Variants in GPC5 observed in about 807,000 individuals in gnomAD.
GPC5 encodes the protein glypican 5.
A neutral mutation model predicts 53.9 loss-of-function variants in GPC5; 47 were observed. The observed-to-expected ratio is 0.87, with a 90% CI of 0.69 to 1.11. The LOEUF (loss-of-function observed/expected upper bound fraction) is 1.11, where lower values mean the gene tolerates loss of function less well. GPC5 is among the 50% of genes most tolerant of loss of function. The probability of loss-of-function intolerance (pLI) is 0.00; values close to 1 mark genes in which losing one functional copy is unlikely to be tolerated. For synonymous variants in GPC5, 286 were observed against 263.3 expected (o/e 1.09, Z -0.84); for missense variants, 748 against 713.1 (o/e 1.05, Z -0.56).
chr13:92,236,349 G>A (rs2042569466), intron 7 of GPC5, among the ~76,000 whole-genome samples: 1 of 152,010 alleles, frequency 6.6e-6, no homozygotes, highest in African/African-American at 2.4e-5. Flanking sequence ...TTATGCTAAT[G>A]CAATATCATA....
intron 1 of GPC5, among the ~76,000 whole-genome samples, chr13:91,438,022 T>C (rs1472074538): frequency 7.3e-6 from 1 of 137,454 alleles, no homozygotes; most frequent in Non-Finnish European, 1.6e-5. Context: ...CATCAGGTCC[T>C]TTAAGGACTT....
intron 7 of GPC5, among the ~76,000 whole-genome samples, chr13:92,207,655 T>C (rs1431474292): frequency 6.6e-6 from 1 of 152,248 alleles, no homozygotes; most frequent in African/African-American, 2.4e-5. Flanking sequence ...CCAGCCCTTC[T>C]TGCCTTCATC....
In GPC5 at chr13:91,608,429, C is replaced by T. The variant is rs147385632; in HGVS notation, c.326-84758C>T. ...AGACTTCATTTCCAAAATGCTTGTACCGTGTCCCTATTTCACATGACTTTA... is the reference window on the plus strand; with the variant it reads ...AGACTTCATTTCCAAAATGCTTGTATCGTGTCCCTATTTCACATGACTTTA... On this transcript the variant is annotated intron_variant, in intron 2 of 7. Transcript: ENST00000377067. 1.5e-3 allele frequency among the ~76,000 whole-genome samples: 234 copies of T among 152,262 alleles called. 1 individual carries two copies. Among genetic ancestry groups the T allele is most frequent in the African/African-American group, 5.3e-3 (222 of 41,542 alleles).
chr13:92,407,730 A>C (rs1016375909), intron 7 of GPC5, among the ~76,000 whole-genome samples: 8 of 152,164 alleles, frequency 5.3e-5, no homozygotes, highest in Non-Finnish European at 1.2e-4. Context: ...TCTTTTAAAG[A>C]CTTGAGGAAA....
chr13:92,455,437 G>C (rs1878226454), intron 7 of GPC5, among the ~76,000 whole-genome samples: 1 of 152,100 alleles, frequency 6.6e-6, no homozygotes, highest in Non-Finnish European at 1.5e-5. Flanking sequence ...CACTGAAATA[G>C]ATAATCATAA....
chr13:91,678,126 T>C (rs915879565), intron 2 of GPC5, among the ~76,000 whole-genome samples: 2 of 152,198 alleles, frequency 1.3e-5, no homozygotes, highest in Non-Finnish European at 2.9e-5. Context: ...AGAAACAGTA[T>C]ATTTATTAAA....
At chr13:92,150,862 A>T (rs1303819328) in intron 7 of GPC5, among the ~76,000 whole-genome samples, 1 of 151,104 alleles carries the variant, frequency 6.6e-6, no homozygotes, top group Non-Finnish European at 1.5e-5. Context: ...ACACAATGCT[A>T]AGTGTAACTA....
rs527758600 is a variant in GPC5 at position 92,441,074 on chromosome 13, C to T, written c.1561+296085C>T. Among the ~76,000 whole-genome samples the T allele has an allele frequency of 2.9e-3, 436 of 151,972 alleles. 2 individuals are homozygous for T. Among genetic ancestry groups the T allele is most frequent in the African/African-American group, 9.9e-3 (410 of 41,458 alleles). On this transcript the variant is annotated intron_variant, in intron 7 of 7. Coordinates refer to ENST00000377067, the MANE Select transcript of GPC5 (RefSeq NM_004466.6). ...TTTAGTTTAATTAGGTCTCATTTAT[C>T]GTTTTTTTTTCTTTTGAGACAAAGT...
chr13:92,605,173 T>A lies in GPC5; in HGVS notation c.1562-261109T>A, dbSNP rs77644419. Among the ~76,000 whole-genome samples, 331 of 152,328 alleles carry A rather than the reference T, an allele frequency of 2.2e-3. 3 individuals are homozygous for A. The highest frequency in any genetic ancestry group is 7.8e-3 in the African/African-American group (326 of 41,576). ...AATGTATGATGAAGAAACAATTAAT[T>A]GCCTAGTTTAAGAAAAAAGGGAAAG... On this transcript the variant is annotated intron_variant, in intron 7 of 7. Transcript: ENST00000377067.
intron 2 of GPC5, among the ~76,000 whole-genome samples, chr13:91,453,505 C>T (rs996455509): frequency 6.6e-6 from 1 of 152,008 alleles, no homozygotes; most frequent in Non-Finnish European, 1.5e-5. Context: ...TAAGTCACTT[C>T]AGCTATACTT....
chr13:92,219,928 G>T (rs1025630885), intron 7 of GPC5, among the ~76,000 whole-genome samples: 3 of 152,196 alleles, frequency 2.0e-5, no homozygotes, highest in East Asian at 1.9e-4. Flanking sequence ...CCACCTGGTG[G>T]TGTGTACTTT....
chr13:92,349,263 C>T (rs563671775), intron 7 of GPC5, among the ~76,000 whole-genome samples: 2 of 152,234 alleles, frequency 1.3e-5, no homozygotes, highest in East Asian at 3.9e-4. Flanking sequence ...CCTATCTCAG[C>T]CTCCCAAGTA....
intron 7 of GPC5, among the ~76,000 whole-genome samples, chr13:92,322,882 T>C (rs2043225281): frequency 1.3e-5 from 2 of 152,016 alleles, no homozygotes; most frequent in South Asian, 4.2e-4. Flanking sequence ...CAAGGAAGCA[T>C]CTGCATCTCA....
At position 92,147,399 on chromosome 13, in the gene GPC5, G is replaced by A. The variant is rs138381473; in HGVS notation, c.1561+2410G>A. ...AGCATTTTTTTGTGTGTGAGTGTGT[G>A]TGCATATGTGTGTATAAATAGTATA... On this transcript the variant is annotated intron_variant, in intron 7 of 7. Transcript: ENST00000377067. Among the ~76,000 whole-genome samples, 579 of 151,996 alleles carry A rather than the reference G, an allele frequency of 3.8e-3. 3 individuals are homozygous for A. Among genetic ancestry groups the A allele is most frequent in the Admixed American group, 8.1e-3 (124 of 15,252 alleles).
chr13:92,861,582 T>C (rs1203407431), intron 7 of GPC5, among the ~76,000 whole-genome samples: 1 of 152,194 alleles, frequency 6.6e-6, no homozygotes, highest in Non-Finnish European at 1.5e-5. Flanking sequence ...TTCACATGGA[T>C]TGTAACAACT....
At chr13:92,111,262 C>T (rs1020410140) in intron 6 of GPC5, among the ~76,000 whole-genome samples, 1 of 152,210 alleles carries the variant, frequency 6.6e-6, no homozygotes, top group South Asian at 2.1e-4. Flanking sequence ...CTTTTATGAT[C>T]CAGAGAAGGT....
chr13:92,163,321 C>T (rs1376841183), intron 7 of GPC5, among the ~76,000 whole-genome samples: 1 of 151,856 alleles, frequency 6.6e-6, no homozygotes, highest in Non-Finnish European at 1.5e-5. Flanking sequence ...CTCAGCCAGG[C>T]ATGGTGGTGC....
At chr13:92,276,472 CAGTTA>C (rs777846226) in intron 7 of GPC5, among the ~76,000 whole-genome samples, 3 of 151,958 alleles carry the variant, frequency 2.0e-5, no homozygotes, top group Non-Finnish European at 4.4e-5. Flanking sequence ...ATTATTATTA[CAGTTA>C]AAAGATTCAA....
chr13:92,129,457 C>T (rs1485827143), intron 6 of GPC5, among the ~76,000 whole-genome samples: 2 of 152,236 alleles, frequency 1.3e-5, no homozygotes, highest in East Asian at 1.9e-4. Context: ...CAGCATGATA[C>T]GAAAAATGTC....
Sources: allele counts gnomAD v4.1 joint callset (sites outside exome capture counted in the v4.1 genomes callset), GRCh38; gene constraint gnomAD v4.1.1; transcripts MANE v1.5; gene names NCBI Gene and HGNC (gene_info 2026-07-23, HGNC 2026-07-21).